MAU2: variants seen among roughly 807,000 people sequenced by gnomAD.
The protein encoded by MAU2 is MAU2 chromatid cohesion factor homolog.
In MAU2, 9 loss-of-function variants were observed where a neutral mutation model predicts 89.1. The ratio of observed to expected loss-of-function variants is 0.10; its 90% CI spans 0.06 to 0.18. MAU2 has a LOEUF of 0.18. Among genes scored for constraint, MAU2 ranks in the 10% least tolerant of loss-of-function variants. The probability of loss-of-function intolerance (pLI) is 1.00; values close to 1 mark genes in which losing one functional copy is unlikely to be tolerated. For synonymous variants in MAU2, 357 were observed against 343.4 expected (o/e 1.04, Z -0.44); for missense variants, 425 against 803.5 (o/e 0.53, Z 5.69).
At chr19:19,339,248 G>T (rs967951775) in intron 5 of MAU2, among the ~76,000 whole-genome samples, 2 of 152,142 alleles carry the variant, frequency 1.3e-5, no homozygotes, top group Non-Finnish European at 2.9e-5. Context: ...AAGAGATTGA[G>T]CCCACCCTGG....
intron 16 of MAU2, chr19:19,353,922 G>A (rs572307703): frequency 3.9e-4 from 83 of 210,224 alleles, no homozygotes; most frequent in African/African-American, 1.7e-3. Flanking sequence ...GCGTGTCTGC[G>A]GGGGCCTCCC....
At position 19,342,772 on chromosome 19, in the gene MAU2, C is replaced by G. The variant is rs1054624775; in HGVS notation, c.883-4C>G. 1 of 1,614,010 alleles carries G rather than the reference C, an allele frequency of 6.2e-7. No individual in the cohort carries two copies. Among genetic ancestry groups the G allele is most frequent in the Admixed American group, 1.7e-5 (1 of 60,026 alleles). Reference sequence around the variant, plus strand: ...TAACCCCTGCTGTCTGGTCTTGTCGCTAGGTGACTGTGATGCACTCCATGC... The same window carrying G: ...TAACCCCTGCTGTCTGGTCTTGTCGGTAGGTGACTGTGATGCACTCCATGC... On this transcript the variant is annotated splice_polypyrimidine_tract_variant and splice_region_variant and intron_variant, in intron 8 of 18. Coordinates refer to ENST00000262815, the MANE Select transcript of MAU2 (RefSeq NM_015329.4).
chr19:19,325,999 A>ATTTTTT (rs34191015), intron 1 of MAU2, among the ~76,000 whole-genome samples: 3 of 117,218 alleles, frequency 2.6e-5, no homozygotes, highest in Non-Finnish European at 3.5e-5. Flanking sequence ...CCTCAACTGC[A>ATTTTTT]TTTTTTTTTT....
chr19:19,349,351 T>C lies in MAU2; in HGVS notation c.1463T>C (p.Met488Thr), dbSNP rs1471309062. The C allele has an allele frequency of 6.2e-7, 1 of 1,614,188 alleles. No homozygotes were observed. The highest frequency in any genetic ancestry group is 8.5e-7 in the Non-Finnish European group (1 of 1,180,028). ...AKRFLRETLK[M>T]SNAEDLNRLT... ...CGATTTCTGCGGGAAACTCTGAAGA[T>C]GTCCAATGCTGAGGACCTGAACCGG... is the stretch of plus-strand genomic sequence containing the variant. Residue 488 changes from methionine (M) to threonine (T), a missense_variant, in exon 16 of 19, where the codon ATG becomes ACG. This residue lies in a region of MAU2 where 66 missense variants were observed against 129.1 expected (regional missense o/e 0.51). Transcript: ENST00000262815.
intron 14 of MAU2, 60 bp from the exon 15 acceptor site, chr19:19,349,095 C>T (rs2061720260): frequency 6.3e-7 from 1 of 1,597,722 alleles, no homozygotes; most frequent in African/African-American, 1.3e-5. Flanking sequence ...TGCCCACTGC[C>T]GTTTTGTAAA....
intron 16 of MAU2, chr19:19,352,833 ACAAGCGG>A (rs2061756518): frequency 6.6e-6 from 1 of 152,188 alleles, no homozygotes; most frequent in South Asian, 2.1e-4. Flanking sequence ...TTGTCGGGTG[ACAAGCGG>A]CGCCCAAGAA....
At chr19:19,343,041 A>G (rs535895617) in intron 9 of MAU2, among the ~76,000 whole-genome samples, 175 bp downstream of exon 9, 2 of 152,158 alleles carry the variant, frequency 1.3e-5, no homozygotes, top group Non-Finnish European at 2.9e-5. Flanking sequence ...GTCAGAGCAG[A>G]GCAGACAGGC....
chr19:19,355,662 G>A, intron 18 of MAU2, 46 bp from the exon 19 acceptor site: 1 of 1,518,714 alleles, frequency 6.6e-7, no homozygotes, highest in South Asian at 1.2e-5. Context: ...TTCTTCCCTG[G>A]GAACGGTCCA....
chr19:19,328,667 C>G (rs1361673252), intron 1 of MAU2, among the ~76,000 whole-genome samples: 2 of 152,074 alleles, frequency 1.3e-5, no homozygotes, highest in African/African-American at 4.8e-5. Flanking sequence ...GTAATCCGCC[C>G]GCCTCAGCCT....
intron 17 of MAU2, 104 bp from the exon 18 acceptor site, chr19:19,355,160 C>T (rs891568432): frequency 7.0e-7 from 1 of 1,433,874 alleles, no homozygotes; most frequent in Non-Finnish European, 9.5e-7. Flanking sequence ...CAGAGATCCA[C>T]CAGTGCAGCT....
chr19:19,352,014 T>A (rs931423015), intron 16 of MAU2, among the ~76,000 whole-genome samples: 1 of 151,604 alleles, frequency 6.6e-6, no homozygotes, highest in Non-Finnish European at 1.5e-5. Flanking sequence ...ACACCTGGCT[T>A]ATTTTTGTAT....
chr19:19,337,164 T>C lies in MAU2; in HGVS notation c.361-6T>C. On this transcript the variant is annotated splice_polypyrimidine_tract_variant and splice_region_variant and intron_variant, in intron 3 of 18. Coordinates refer to ENST00000262815, the MANE Select transcript of MAU2 (RefSeq NM_015329.4). ...TACATTCCCAAACGTGACTATTTCCTTTCAGAATTCCGTTGATGCAGCAAA... is the reference window on the plus strand; with the variant it reads ...TACATTCCCAAACGTGACTATTTCCCTTCAGAATTCCGTTGATGCAGCAAA... 1.9e-6 allele frequency: 3 copies of C among 1,605,316 alleles called. No homozygotes were observed. Among genetic ancestry groups the C allele is most frequent in the Non-Finnish European group, 1.7e-6 (2 of 1,173,116 alleles).
chr19:19,322,716 C>G (rs375208358), intron 1 of MAU2, among the ~76,000 whole-genome samples: 1 of 151,770 alleles, frequency 6.6e-6, no homozygotes, highest in Admixed American at 6.6e-5. Context: ...TTACCCAGCT[C>G]TGTCCTGCTT....
At chr19:19,340,946 T>G (rs2061639832) in intron 6 of MAU2, 73 bp downstream of exon 6, 1 of 1,588,616 alleles carries the variant, frequency 6.3e-7, no homozygotes, top group African/African-American at 1.3e-5. Flanking sequence ...CAGAGTCTGC[T>G]CAGACCCCAC....
intron 1 of MAU2, among the ~76,000 whole-genome samples, chr19:19,332,065 A>T (rs1429344748): frequency 6.6e-6 from 1 of 152,236 alleles, no homozygotes; most frequent in Non-Finnish European, 1.5e-5. Context: ...ATCCAAGTGG[A>T]TAAAGCCATC....
chr19:19,342,988 G>A (rs1006644170), intron 9 of MAU2, 122 bp downstream of exon 9: 94 of 980,534 alleles, frequency 9.6e-5, no homozygotes, highest in Non-Finnish European at 1.4e-4. Context: ...CACCCTGCCT[G>A]GTGGGTCTCG....
intron 12 of MAU2, 166 bp from the exon 13 acceptor site, chr19:19,347,114 A>G: frequency 1.7e-6 from 1 of 593,550 alleles, no homozygotes; most frequent in South Asian, 2.0e-5. Flanking sequence ...GAGAAGAAGT[A>G]ATAGCTGTGT....
Position 19,334,543 on chromosome 19 carries a change from C to G in MAU2, c.277-1175C>G, listed in dbSNP as rs953968307. On this transcript the variant is annotated intron_variant, in intron 1 of 18. Coordinates refer to ENST00000262815, the MANE Select transcript of MAU2 (RefSeq NM_015329.4). ...TCCAGGCCTCACTGGCTCCTCCGCACTCCCTTCGTGAATACTCTCTGCTGC... is the reference window on the plus strand; with the variant it reads ...TCCAGGCCTCACTGGCTCCTCCGCAGTCCCTTCGTGAATACTCTCTGCTGC... The G allele has an allele frequency of 1.7e-5, 17 of 985,536 alleles. No homozygotes were observed. The African/African-American group carries it at 3.0e-4, about 17-fold the overall frequency. 61.0% of individuals were successfully genotyped at this position (985,536 alleles called of 1,614,324 possible).
chr19:19,320,909 C>T lies in MAU2; in HGVS notation c.50C>T (p.Ala17Val). 1.3e-6 allele frequency: 2 copies of T among 1,552,302 alleles called. No individual in the cohort carries two copies. The highest frequency in any genetic ancestry group is 8.7e-7 in the Non-Finnish European group (1 of 1,150,370). Residue 17 changes from alanine (A) to valine (V), a missense_variant, in exon 1 of 19, where the codon GCG becomes GTG. By Grantham distance (64) the Ala-to-Val change is moderately conservative. Around this residue, in one of 11 missense-constraint regions of MAU2, gnomAD observed 61 missense variants for 40.1 expected, o/e 1.52. Coordinates refer to ENST00000262815, the MANE Select transcript of MAU2 (RefSeq NM_015329.4). ...AAAQAAAAQA[A>V]QAEAADSWYL... ...GCCCAGGCGGCGGCGGCCCAGGCTGCGCAGGCCGAGGCGGCCGACTCGTGG... is the reference window on the plus strand; with the variant it reads ...GCCCAGGCGGCGGCGGCCCAGGCTGTGCAGGCCGAGGCGGCCGACTCGTGG...
Sources: gnomAD v4.1 joint callset for allele counts (sites outside exome capture counted in the v4.1 genomes callset) on GRCh38, gnomAD v4.1.1 for gene constraint, gnomAD v4.1.1 regional missense constraint, MANE v1.5 for transcripts, NCBI Gene and HGNC (gene_info 2026-07-23, HGNC 2026-07-21) for gene names.